SAMD5: variants seen among roughly 807,000 people sequenced by gnomAD.
SAMD5 encodes sterile alpha motif domain containing 5, also known as sterile alpha motif domain-containing protein 5.
A neutral mutation model predicts 11.3 loss-of-function variants in SAMD5; 13 were observed. That is an observed-to-expected ratio of 1.15 (90% confidence interval 0.75 to 1.83). The LOEUF is 1.83. SAMD5 is among the 40% of genes most tolerant of loss of function. The pLI, the probability that SAMD5 is intolerant of heterozygous loss-of-function variation, is 0.00. For synonymous variants in SAMD5, 129 were observed against 111.3 expected (o/e 1.16, Z -1.00); for missense variants, 255 against 239.1 (o/e 1.07, Z -0.44).
the SAMD5 span, among the ~76,000 whole-genome samples, chr6:147,842,304 C>A: frequency 6.6e-6 from 1 of 151,950 alleles, no homozygotes; most frequent in Non-Finnish European, 1.5e-5. Context: ...ACCTCAGTGG[C>A]TCATGGGAAG....
chr6:147,705,450 C>A (rs2128458149), intron 1 of SAMD5, among the ~76,000 whole-genome samples: 1 of 152,156 alleles, frequency 6.6e-6, no homozygotes, highest in Admixed American at 6.5e-5. Flanking sequence ...TTTAAATATT[C>A]ATTTTATGCT....
chr6:147,843,434 A>G, the SAMD5 span, among the ~76,000 whole-genome samples: 2 of 152,330 alleles, frequency 1.3e-5, no homozygotes, highest in South Asian at 2.1e-4. Flanking sequence ...TGAACTGCAA[A>G]TTCAGTGCAA....
intron 1 of SAMD5, among the ~76,000 whole-genome samples, chr6:147,524,397 TTTTG>T (rs938436845): frequency 2.0e-5 from 3 of 150,288 alleles, no homozygotes; most frequent in African/African-American, 7.3e-5. Flanking sequence ...TAATGGGTTT[TTTTG>T]TTTTTGTTTT....
intron 1 of SAMD5, among the ~76,000 whole-genome samples, chr6:147,594,767 G>A (rs9497814): frequency 0.014 from 2,141 of 152,184 alleles, 44 homozygotes; most frequent in African/African-American, 0.049. Flanking sequence ...CAGAAATTTG[G>A]CCATATGAAG....
the SAMD5 span, among the ~76,000 whole-genome samples, chr6:147,951,157 G>A: frequency 3.3e-5 from 5 of 149,378 alleles, no homozygotes; most frequent in Middle Eastern, 3.5e-3. Flanking sequence ...ACCTTTCCTT[G>A]TTTCTTGTTT....
intron 1 of SAMD5, among the ~76,000 whole-genome samples, chr6:147,555,798 C>T (rs1041021388): frequency 5.9e-5 from 9 of 152,030 alleles, no homozygotes; most frequent in African/African-American, 1.7e-4. Flanking sequence ...TTTAAGAAAC[C>T]GCCGCTTGTC....
chr6:147,693,623 A>G (rs1791134483), intron 1 of SAMD5, among the ~76,000 whole-genome samples: 2 of 152,214 alleles, frequency 1.3e-5, no homozygotes, highest in African/African-American at 2.4e-5. Flanking sequence ...TAAGGATTTC[A>G]AGTTTGAATT....
intron 1 of SAMD5, among the ~76,000 whole-genome samples, chr6:147,728,662 A>G (rs913742713): frequency 1.7e-4 from 26 of 152,180 alleles, no homozygotes; most frequent in African/African-American, 6.0e-4. Context: ...AAAGAAAGCA[A>G]TAGAGGGAGT....
chr6:147,646,652 A>T (rs1651891437), intron 1 of SAMD5, among the ~76,000 whole-genome samples: 1 of 152,176 alleles, frequency 6.6e-6, no homozygotes, highest in Non-Finnish European at 1.5e-5. Flanking sequence ...CATATTCAGA[A>T]TTATTTCTTT....
the SAMD5 span, among the ~76,000 whole-genome samples, chr6:147,784,581 G>A: frequency 6.6e-6 from 1 of 152,198 alleles, no homozygotes; most frequent in African/African-American, 2.4e-5. Flanking sequence ...ATTTGCAAAT[G>A]CAGCAATTAC....
At chr6:147,705,463 CAT>C (rs1385839019) in intron 1 of SAMD5, among the ~76,000 whole-genome samples, 1 of 152,050 alleles carries the variant, frequency 6.6e-6, no homozygotes, top group African/African-American at 2.4e-5. Flanking sequence ...TTTATGCTAT[CAT>C]ATTATTTTTA....
the SAMD5 span, among the ~76,000 whole-genome samples, chr6:147,903,483 A>AG: frequency 6.6e-6 from 1 of 152,236 alleles, no homozygotes; most frequent in East Asian, 1.9e-4. Context: ...GGCCAATGGC[A>AG]TCGTCTAACA....
intron 1 of SAMD5, among the ~76,000 whole-genome samples, chr6:147,524,111 TA>T (rs905637133): frequency 7.9e-5 from 12 of 152,332 alleles, no homozygotes; most frequent in African/African-American, 2.9e-4. Flanking sequence ...CTTTTTGGCA[TA>T]GCAGTTTGGG....
the SAMD5 span, among the ~76,000 whole-genome samples, chr6:147,830,376 C>A: frequency 6.6e-6 from 1 of 150,780 alleles, no homozygotes; most frequent in Non-Finnish European, 1.5e-5. Context: ...CATGCCTCAG[C>A]CTCCTTAGTA....
At chr6:147,543,071 T>C (rs528379073) in intron 1 of SAMD5, among the ~76,000 whole-genome samples, 29 of 152,282 alleles carry the variant, frequency 1.9e-4, no homozygotes, top group Admixed American at 3.9e-4. Flanking sequence ...CTGTGAGGAA[T>C]GTGACTTGAA....
the SAMD5 span, among the ~76,000 whole-genome samples, chr6:147,867,254 T>C: frequency 1.3e-5 from 2 of 150,338 alleles, no homozygotes; most frequent in African/African-American, 4.9e-5. Flanking sequence ...CAATTAACCA[T>C]ACTGTAGCAT....
chr6:147,756,006 C>T, the SAMD5 span, among the ~76,000 whole-genome samples: 3 of 152,080 alleles, frequency 2.0e-5, no homozygotes, highest in Admixed American at 1.3e-4. Flanking sequence ...ACCTATATTA[C>T]GTTTTTTAGT....
At chr6:147,535,557 T>C (rs1336192544) in intron 1 of SAMD5, among the ~76,000 whole-genome samples, 5 of 152,230 alleles carry the variant, frequency 3.3e-5, no homozygotes, top group Non-Finnish European at 7.3e-5. Context: ...AAACAAATCA[T>C]GATAGAACTG....
chr6:147,696,276 G>A (rs1215156366), intron 1 of SAMD5, among the ~76,000 whole-genome samples: 2 of 152,154 alleles, frequency 1.3e-5, no homozygotes, highest in African/African-American at 4.8e-5. Context: ...GTGAGGTTGG[G>A]TGGGGGATTA....
Sources: gnomAD v4.1 joint callset for allele counts (sites outside exome capture counted in the v4.1 genomes callset) on GRCh38, gnomAD v4.1.1 for gene constraint, MANE v1.5 for transcripts, NCBI Gene and HGNC (gene_info 2026-07-23, HGNC 2026-07-21) for gene names.